LUZP2: variants seen among roughly 807,000 people sequenced by gnomAD.
The protein encoded by LUZP2 is leucine zipper protein 2.
LUZP2 carries 52 observed loss-of-function variants against 51.6 expected under a neutral mutation model. The ratio of observed to expected loss-of-function variants is 1.01; its 90% CI spans 0.81 to 1.27. The LOEUF is 1.27. Ranked by LOEUF, LUZP2 falls within the 50% of genes most tolerant of loss-of-function variation. The probability of loss-of-function intolerance (pLI) is 0.00; values close to 1 mark genes in which losing one functional copy is unlikely to be tolerated. For missense variants in LUZP2, 436 were observed against 395.4 expected, an observed-to-expected ratio of 1.10 and a Z score of -0.87; for synonymous variants, 154 against 137.3, an observed-to-expected ratio of 1.12 and a Z score of -0.85.
At chr11:24,914,688 A>C in intron 7 of LUZP2, 150 bp downstream of exon 7, 3 of 616,956 alleles carry the variant, frequency 4.9e-6, no homozygotes, top group Non-Finnish European at 8.5e-6. Flanking sequence ...TTTCTTGACA[A>C]CTTAATTAAT....
intron 7 of LUZP2, among the ~76,000 whole-genome samples, chr11:24,944,111 C>G (rs1854836596): frequency 6.6e-6 from 1 of 152,138 alleles, no homozygotes; most frequent in Non-Finnish European, 1.5e-5. Context: ...CTGTATTTGT[C>G]TGCATTTTAG....
chr11:25,044,249 GTGTGTGTGTATATATATATA>G (rs1401812512), intron 9 of LUZP2, among the ~76,000 whole-genome samples: 31 of 70,476 alleles, frequency 4.4e-4, no homozygotes, highest in South Asian at 2.0e-3. Context: ...GTGTGTGTGT[GTGTGTGTGTATATATATATA>G]TATATATATA....
At chr11:24,990,193 G>T (rs1461186546) in intron 9 of LUZP2, among the ~76,000 whole-genome samples, 1 of 151,922 alleles carries the variant, frequency 6.6e-6, no homozygotes, top group African/African-American at 2.4e-5. Flanking sequence ...TTTCGAGGTA[G>T]TTCAGGTTGC....
At chr11:24,870,895 G>T (rs572338172) in intron 5 of LUZP2, among the ~76,000 whole-genome samples, 4 of 152,040 alleles carry the variant, frequency 2.6e-5, no homozygotes, top group African/African-American at 7.2e-5. Context: ...GAAAAATGAG[G>T]ATATAAAATG....
At chr11:24,894,331 C>T (rs184246367) in intron 5 of LUZP2, among the ~76,000 whole-genome samples, 231 of 152,030 alleles carry the variant, frequency 1.5e-3, no homozygotes, top group African/African-American at 5.2e-3. Flanking sequence ...CCTGCCACCA[C>T]GCCCGGCTAA....
At chr11:24,689,038 T>G (rs1348829990) in intron 1 of LUZP2, among the ~76,000 whole-genome samples, 1 of 152,074 alleles carries the variant, frequency 6.6e-6, no homozygotes, top group African/African-American at 2.4e-5. Flanking sequence ...CCAAGGGGTA[T>G]AAGGCAGAGG....
At chr11:24,542,244 C>T (rs1201742400) in intron 1 of LUZP2, among the ~76,000 whole-genome samples, 2 of 152,032 alleles carry the variant, frequency 1.3e-5, no homozygotes, top group African/African-American at 4.8e-5. Flanking sequence ...CCCCCATACA[C>T]AAACCACGTG....
intron 1 of LUZP2, among the ~76,000 whole-genome samples, chr11:24,639,882 G>T (rs978762874): frequency 6.6e-6 from 1 of 151,014 alleles, no homozygotes; most frequent in Admixed American, 6.6e-5. Context: ...ACTACCCTGT[G>T]TGTCCTTTCT....
chr11:24,972,156 A>AAC (rs1364960367), intron 7 of LUZP2, among the ~76,000 whole-genome samples: 2 of 151,264 alleles, frequency 1.3e-5, no homozygotes, highest in Admixed American at 6.6e-5. Context: ...AAAAAAAAAA[A>AAC]AAAAAACACT....
intron 1 of LUZP2, among the ~76,000 whole-genome samples, chr11:24,625,469 G>T (rs932517086): frequency 2.0e-5 from 3 of 151,870 alleles, no homozygotes; most frequent in African/African-American, 7.3e-5. Flanking sequence ...CTTCATTGTG[G>T]TGATTTATTA....
At chr11:24,736,910 T>C (rs1858963755) in intron 3 of LUZP2, among the ~76,000 whole-genome samples, 1 of 152,046 alleles carries the variant, frequency 6.6e-6, no homozygotes, top group South Asian at 2.1e-4. Context: ...ATTCTATAAC[T>C]TGTTCTCACT....
At chr11:24,507,257 C>T (rs962434649) in intron 1 of LUZP2, among the ~76,000 whole-genome samples, 1 of 152,064 alleles carries the variant, frequency 6.6e-6, no homozygotes, top group East Asian at 1.9e-4. Context: ...TTAGAAACTA[C>T]AGCTCTAGTA....
At chr11:24,768,949 A>C (rs550283299) in intron 5 of LUZP2, among the ~76,000 whole-genome samples, 1 of 152,360 alleles carries the variant, frequency 6.6e-6, no homozygotes, top group Admixed American at 6.5e-5. Context: ...CTGCACACTC[A>C]TGTTTATTGC....
chr11:25,078,445 T>G lies in LUZP2; in HGVS notation c.937-109T>G, dbSNP rs1343543587. The G allele has an allele frequency of 2.2e-5, 17 of 760,884 alleles. No homozygotes were observed. The East Asian group carries it at 4.6e-4, about 21-fold the overall frequency. 47.1% of individuals were successfully genotyped at this position (760,884 alleles called of 1,614,324 possible). On this transcript the variant is annotated intron_variant, in intron 11 of 11. Coordinates refer to ENST00000336930, the MANE Select transcript of LUZP2 (RefSeq NM_001009909.4). ...TCCTGTGTTCATTTTCTCTAAGATA[T>G]TTGTTGAGATCTTTGAATTTCCATT...
rs1336158769 is a variant in LUZP2 at position 24,624,433 on chromosome 11, ATTTG to A, written c.63-104732_63-104729del. Reference sequence around the variant, plus strand: ...CTTAGTCAAAAATAGCTGGTTAAACATTTGTTTATGTCTATTATTTCAAGAGCAT... The same window carrying A: ...CTTAGTCAAAAATAGCTGGTTAAACATTTATGTCTATTATTTCAAGAGCAT... On this transcript the variant is annotated intron_variant, in intron 1 of 11. Transcript: ENST00000336930. 2.0e-5 allele frequency among the ~76,000 whole-genome samples: 3 copies of A among 152,142 alleles called. No homozygotes were observed. In the East Asian group the frequency reaches 5.8e-4, roughly 29 times the overall value.
chr11:24,506,102 A>G (rs1385179623), intron 1 of LUZP2, among the ~76,000 whole-genome samples: 1 of 152,086 alleles, frequency 6.6e-6, no homozygotes, highest in Non-Finnish European at 1.5e-5. Context: ...TAATCCTACA[A>G]TGGGATAAGT....
At chr11:24,591,834 GTAA>G (rs1853272268) in intron 1 of LUZP2, among the ~76,000 whole-genome samples, 1 of 152,174 alleles carries the variant, frequency 6.6e-6, no homozygotes, top group Non-Finnish European at 1.5e-5. Context: ...AAAATAAAAA[GTAA>G]TAATAAATTC....
At chr11:24,789,543 T>G (rs1564894579) in intron 5 of LUZP2, among the ~76,000 whole-genome samples, 1 of 152,234 alleles carries the variant, frequency 6.6e-6, no homozygotes, top group Admixed American at 6.5e-5. Flanking sequence ...AAAGTAATTT[T>G]TTACATGCTT....
intron 10 of LUZP2, among the ~76,000 whole-genome samples, chr11:25,071,185 A>G (rs1375328287): frequency 1.3e-5 from 2 of 152,004 alleles, no homozygotes; most frequent in Non-Finnish European, 2.9e-5. Flanking sequence ...CACAGTTCTA[A>G]TCTATAGTAA....
Sources: allele counts gnomAD v4.1 joint callset (sites outside exome capture counted in the v4.1 genomes callset), GRCh38; gene constraint gnomAD v4.1.1; transcripts MANE v1.5; gene names NCBI Gene and HGNC (gene_info 2026-07-23, HGNC 2026-07-21).